DNAAF5: variants seen among roughly 807,000 people sequenced by gnomAD.
The protein encoded by DNAAF5 is HEAT repeat containing 2.
In DNAAF5, 64 loss-of-function variants were observed where a neutral mutation model predicts 75.8. The ratio of observed to expected loss-of-function variants is 0.84; its 90% CI spans 0.69 to 1.04. DNAAF5 has a LOEUF of 1.04. Ranked by LOEUF, DNAAF5 falls within the 50% of genes least tolerant of loss-of-function variation. The pLI, the probability that DNAAF5 is intolerant of heterozygous loss-of-function variation, is 0.00. For missense variants in DNAAF5, 1,269 were observed against 1,178.5 expected (o/e 1.08, Z -1.12); for synonymous variants, 657 against 557.2 (o/e 1.18, Z -2.52).
intron 8 of DNAAF5, among the ~76,000 whole-genome samples, chr7:766,073 C>T (rs1782810235): frequency 6.6e-6 from 1 of 152,166 alleles, no homozygotes; most frequent in South Asian, 2.1e-4. Context: ...GAACAGTCTT[C>T]CCACCTCACC....
At chr7:772,851 A>C (rs546960234) in intron 9 of DNAAF5, 1 of 152,318 alleles carries the variant, frequency 6.6e-6, no homozygotes, top group East Asian at 1.9e-4. Flanking sequence ...TTTGTCTCAA[A>C]AAAAAGGAAC....
intron 4 of DNAAF5, among the ~76,000 whole-genome samples, chr7:741,723 G>A (rs534136764): frequency 1.1e-4 from 17 of 152,308 alleles, no homozygotes; most frequent in Admixed American, 7.2e-4. Context: ...TAAAAAGGCT[G>A]TGGGCTTCTG....
intron 4 of DNAAF5, among the ~76,000 whole-genome samples, chr7:744,807 T>A (rs1424736204): frequency 1.3e-5 from 2 of 152,216 alleles, no homozygotes; most frequent in Non-Finnish European, 2.9e-5. Flanking sequence ...TTCGCCATGT[T>A]GGTCAGGGTG....
In DNAAF5 at chr7:754,196, G is replaced by A. The variant is rs1272876456; in HGVS notation, c.1025-393G>A. On this transcript the variant is annotated intron_variant, in intron 4 of 12. Transcript: ENST00000297440. The surrounding 1 kb of genome is among the most constrained non-coding windows in gnomAD (Gnocchi z 4.8). ...TGTTTGTTTTTTGAGACAGGGTCTC[G>A]CTCTGTCACCCAGGCTGGAGTGCTG... 4.6e-5 allele frequency among the ~76,000 whole-genome samples: 7 copies of A among 152,154 alleles called. No individual in the cohort carries two copies. Among genetic ancestry groups the A allele is most frequent in the Admixed American group, 1.3e-4 (2 of 15,286 alleles).
At chr7:748,644 A>C (rs914964319) in intron 4 of DNAAF5, among the ~76,000 whole-genome samples, 2 of 151,028 alleles carry the variant, frequency 1.3e-5, no homozygotes, top group Non-Finnish European at 1.5e-5. Context: ...CCCCTACCAC[A>C]GTGGAGGTGC....
intron 9 of DNAAF5, among the ~76,000 whole-genome samples, chr7:773,840 C>T (rs1418964195): frequency 2.0e-5 from 3 of 152,078 alleles, no homozygotes; most frequent in African/African-American, 7.2e-5. Context: ...GGCACAGGCA[C>T]CCCTGTCTCC....
intron 9 of DNAAF5, among the ~76,000 whole-genome samples, chr7:773,257 C>A (rs1778633372): frequency 6.6e-6 from 1 of 152,240 alleles, no homozygotes; most frequent in African/African-American, 2.4e-5. Flanking sequence ...CCTGGCTGGT[C>A]CCAACATGGC....
At chr7:783,053 A>G (rs899927097) in intron 12 of DNAAF5, among the ~76,000 whole-genome samples, 2 of 152,352 alleles carry the variant, frequency 1.3e-5, no homozygotes, top group East Asian at 1.9e-4. Flanking sequence ...GCTTTGGCTC[A>G]TTGTGATTTT....
intron 2 of DNAAF5, among the ~76,000 whole-genome samples, chr7:736,259 T>C (rs1005136025): frequency 3.9e-5 from 6 of 152,240 alleles, no homozygotes; most frequent in African/African-American, 1.4e-4. Flanking sequence ...GATGTTTCTT[T>C]GTTGATTTTC....
At chr7:732,658 C>G (rs772701616) in intron 2 of DNAAF5, 132 of 454,958 alleles carry the variant, frequency 2.9e-4, no homozygotes, top group Non-Finnish European at 5.3e-4. Context: ...AATGTCTATT[C>G]AGATCTGTCC....
chr7:753,051 G>A (rs1038507462), intron 4 of DNAAF5, among the ~76,000 whole-genome samples: 5 of 152,230 alleles, frequency 3.3e-5, no homozygotes, highest in East Asian at 1.9e-4. Context: ...AAGACTGAGC[G>A]TACCGCGTGC....
At chr7:737,182 G>A (rs1302800344) in intron 2 of DNAAF5, among the ~76,000 whole-genome samples, 4 of 151,878 alleles carry the variant, frequency 2.6e-5, no homozygotes, top group Admixed American at 2.0e-4. Context: ...TGCAACCTCC[G>A]CCTCCCAGGT....
At chr7:773,970 C>T in intron 9 of DNAAF5, 78 bp from the exon 10 acceptor site, 1 of 1,542,622 alleles carries the variant, frequency 6.5e-7, no homozygotes. Flanking sequence ...CCCCTCAGCC[C>T]CATTCATCCC....
chr7:764,060 G>C, intron 8 of DNAAF5, 86 bp downstream of exon 8: 1 of 1,429,968 alleles, frequency 7.0e-7, no homozygotes, highest in Non-Finnish European at 9.6e-7. Context: ...AGGTACCAGC[G>C]CCGACCAGCT....
Position 756,839 on chromosome 7 carries a change from C to T in DNAAF5, c.1315C>T (p.Leu439=). 6.2e-7 allele frequency: 1 copy of T among 1,614,034 alleles called. No individual in the cohort carries two copies. The highest frequency in any genetic ancestry group is 1.3e-5 in the African/African-American group (1 of 75,062). The part of the protein sequence containing the change: ...TFVSPEVFLK[L]ILSTLKKTPS... Reference sequence around the variant, plus strand: ...TGTCAGCCCTGAGGTGTTTCTGAAGCTGATCTTATCGACGCTGAAGAAGAC... The same window carrying T: ...TGTCAGCCCTGAGGTGTTTCTGAAGTTGATCTTATCGACGCTGAAGAAGAC... The change falls in exon 6 of 13, where the codon CTG becomes TTG. Residue 439 remains leucine (L), a synonymous_variant. Coordinates refer to ENST00000297440, the MANE Select transcript of DNAAF5 (RefSeq NM_017802.4).
At chr7:782,553 C>T (rs1452623255) in intron 12 of DNAAF5, among the ~76,000 whole-genome samples, 1 of 148,624 alleles carries the variant, frequency 6.7e-6, no homozygotes. Context: ...GGCCGCCTCC[C>T]GTCACGCGGC....
At chr7:750,404 G>T (rs939778113) in intron 4 of DNAAF5, among the ~76,000 whole-genome samples, 1 of 152,210 alleles carries the variant, frequency 6.6e-6, no homozygotes, top group Non-Finnish European at 1.5e-5. Context: ...CTGTACCAGC[G>T]GTCCCCTGCC....
chr7:745,931 G>A (rs935765211), intron 4 of DNAAF5, among the ~76,000 whole-genome samples: 2 of 152,192 alleles, frequency 1.3e-5, no homozygotes, highest in Admixed American at 6.5e-5. Context: ...TATCCGTGCC[G>A]AGGCGTAGAG....
intron 4 of DNAAF5, among the ~76,000 whole-genome samples, chr7:747,195 C>A (rs149495575): frequency 1.3e-5 from 2 of 152,238 alleles, no homozygotes; most frequent in Non-Finnish European, 2.9e-5. Flanking sequence ...ACTCACCACA[C>A]ACTGTTTTCC....
Sources: gnomAD v4.1 joint callset for allele counts (sites outside exome capture counted in the v4.1 genomes callset) on GRCh38, gnomAD v4.1.1 for gene constraint, Gnocchi (gnomAD v3.1) non-coding constraint, MANE v1.5 for transcripts, NCBI Gene and HGNC (gene_info 2026-07-23, HGNC 2026-07-21) for gene names.